The following ZNF816 variants were observed in gnomAD, a reference collection of about 807,000 sequenced individuals.
The protein encoded by ZNF816 is zinc finger protein 816, also known as zinc finger protein 816A.
A neutral mutation model predicts 8.3 loss-of-function variants in ZNF816; 11 were observed. The ratio of observed to expected loss-of-function variants is 1.32; its 90% confidence interval spans 0.83 to 2.19. The LOEUF is 2.19. Ranked by LOEUF, ZNF816 falls within the 30% of genes most tolerant of loss-of-function variation. The pLI is 0.00. For synonymous variants in ZNF816, 255 were observed against 254.5 expected (o/e 1.00, Z -0.02); for missense variants, 710 against 779.3 (o/e 0.91, Z 1.06).
intron 2 of ZNF816, among the ~76,000 whole-genome samples, chr19:52,955,346 A>G (rs2083500775): frequency 6.6e-6 from 1 of 152,228 alleles, no homozygotes; most frequent in Non-Finnish European, 1.5e-5. Context: ...TCCGCTTTCC[A>G]TTCTATTCTA....
Position 52,949,737 on chromosome 19 carries a change from T to C in ZNF816, c.*82A>G. On this transcript the variant is annotated 3_prime_UTR_variant, in exon 4 of 4. Coordinates refer to ENST00000444460, the MANE Select transcript of ZNF816 (RefSeq NM_001202457.3). ...CGTCTGAAAAATTTGCCACATTTAT[T>C]ACACTTGTAGATCTCTCTTCAATAT... 1 of 1,601,650 alleles carries C rather than the reference T, an allele frequency of 6.2e-7. No homozygotes were observed. The highest frequency in any genetic ancestry group is 1.3e-5 in the African/African-American group (1 of 74,704).
chr19:52,954,135 C>T (rs1443954336), intron 2 of ZNF816, among the ~76,000 whole-genome samples: 1 of 151,834 alleles, frequency 6.6e-6, no homozygotes, highest in Non-Finnish European at 1.5e-5. Context: ...CACCTGTAAT[C>T]CCAGCACTTT....
chr19:52,951,064 G>A lies in ZNF816; in HGVS notation c.711C>T (p.Ala237=). Residue 237 remains alanine (A), a synonymous_variant, in exon 4 of 4, where the codon GCC becomes GCT. Coordinates refer to ENST00000444460, the MANE Select transcript of ZNF816 (RefSeq NM_001202457.3). ...TCCTTAAGAGTGAGCTATAATTAAA[G>A]GCTTTGCCACACTCATTACTTTGGC... ...KPCQSNECGK[A]FNYSSLLRRH... is the part of the protein sequence containing the mutation. The A allele has an allele frequency of 6.2e-7, 1 of 1,613,940 alleles. No individual in the cohort carries two copies. The highest frequency in any genetic ancestry group is 8.5e-7 in the Non-Finnish European group (1 of 1,179,994).
Position 52,952,873 on chromosome 19 carries a change from C to T in ZNF816, c.68G>A (p.Arg23His), listed in dbSNP as rs201394440. Residue 23 changes from arginine (R) to histidine (H), a missense_variant, in exon 3 of 4, where the codon CGC becomes CAC. By Grantham distance (29) the Arg-to-His change is conservative (BLOSUM62 0). Coordinates refer to ENST00000444460, the MANE Select transcript of ZNF816 (RefSeq NM_001202457.3). The part of the protein sequence containing the change: ...KEPGMALPQG[R>H]LTFRDVAIEF... ...TATAGCCACATCCCTGAAAGTCAAG[C>T]GTCCCTAAAATAAAAAACACGTTTC... 8.8e-6 allele frequency: 14 copies of T among 1,594,640 alleles called. No homozygotes were observed. Among genetic ancestry groups the T allele is most frequent in the Middle Eastern group, 1.7e-4 (1 of 5,956 alleles).
chr19:52,952,165 T>A (rs1203514951), intron 3 of ZNF816, among the ~76,000 whole-genome samples: 1 of 152,040 alleles, frequency 6.6e-6, no homozygotes, highest in Non-Finnish European at 1.5e-5. Flanking sequence ...GGCCAGGAGT[T>A]CAAGACCAAC....
intron 3 of ZNF816, 150 bp downstream of exon 3, chr19:52,952,601 A>G (rs755511200): frequency 1.4e-6 from 2 of 1,450,512 alleles, no homozygotes; most frequent in Non-Finnish European, 1.8e-6. Flanking sequence ...GAAGCTGTCC[A>G]TGACAGATAG....
At chr19:52,956,734 G>C (rs575054896) in intron 1 of ZNF816, among the ~76,000 whole-genome samples, 46 of 152,292 alleles carry the variant, frequency 3.0e-4, no homozygotes, top group Non-Finnish European at 5.3e-4. Context: ...GTAGGAAGCA[G>C]ACCACCACTT....
intron 2 of ZNF816, among the ~76,000 whole-genome samples, chr19:52,954,824 A>AAC (rs2083495711): frequency 6.6e-6 from 1 of 151,850 alleles, no homozygotes; most frequent in South Asian, 2.1e-4. Flanking sequence ...AAAAAAAAAA[A>AAC]AAAAAAACCC....
Position 52,950,516 on chromosome 19 carries a change from G to A in ZNF816, c.1259C>T (p.Thr420Ile). ...CTTACATTTGTATGATCCCTCTCCAGTATGAATCTTCCTATGTCTTTCAAG... is the reference window on the plus strand; with the variant it reads ...CTTACATTTGTATGATCCCTCTCCAATATGAATCTTCCTATGTCTTTCAAG... ...SHLERHRKIHTGEGSYKCKVC... is the reference protein window; with the variant it reads ...SHLERHRKIHIGEGSYKCKVC... Residue 420 changes from threonine (T) to isoleucine (I), a missense_variant, in exon 4 of 4, where the codon ACT becomes ATT. By Grantham distance (89) the Thr-to-Ile change is moderately conservative. Transcript: ENST00000444460. 1 of 1,613,152 alleles carries A rather than the reference G, an allele frequency of 6.2e-7. No individual in the cohort carries two copies. The highest frequency in any genetic ancestry group is 1.7e-5 in the Admixed American group (1 of 59,956).
Position 52,957,628 on chromosome 19 carries a change from C to T in ZNF816, c.-15-1524G>A, listed in dbSNP as rs907796304. Among the ~76,000 whole-genome samples, 4 of 152,182 alleles carry T rather than the reference C, an allele frequency of 2.6e-5. No individual in the cohort carries two copies. The highest frequency in any genetic ancestry group is 5.9e-5 in the Non-Finnish European group (4 of 68,040). On this transcript the variant is annotated intron_variant, in intron 1 of 3. Coordinates refer to ENST00000444460, the MANE Select transcript of ZNF816 (RefSeq NM_001202457.3). The surrounding 1 kb of genome is among the most constrained non-coding windows in gnomAD (Gnocchi z 4.6). ...TTTTCGTATTGATACCAGTGCTGAA[C>T]ATTCAGTAGTAACCGCCCCGGTTGC...
rs565580165 is a variant in ZNF816 at position 52,950,787 on chromosome 19, A to G, written c.988T>C (p.Cys330Arg). 1.2e-4 allele frequency: 200 copies of G among 1,612,056 alleles called. 3 individuals carry two copies. The South Asian group carries it at 2.1e-3, about 17-fold the overall frequency. The change falls in exon 4 of 4, where the codon TGC becomes CGC. Residue 330 changes from cysteine to arginine, a missense_variant. Transcript: ENST00000444460. ...TCTCCAGTATGAAGTCTACGATGGCATCTAAGGGATGACTTCTCACTGAAG... is the reference window on the plus strand; with the variant it reads ...TCTCCAGTATGAAGTCTACGATGGCGTCTAAGGGATGACTTCTCACTGAAG... ...KTFSEKSSLR[C>R]HRRLHTGEKP...
chr19:52,953,522 TTTATAA>T (rs1355350535), intron 2 of ZNF816: 2 of 44,752 alleles, frequency 4.5e-5, no homozygotes, highest in African/African-American at 9.9e-4. Context: ...ATAATATATA[TTTATAA>T]TATATAATAT....
chr19:52,960,397 T>C (rs746000113), intron 1 of ZNF816, among the ~76,000 whole-genome samples: 1 of 152,206 alleles, frequency 6.6e-6, no homozygotes, highest in Admixed American at 6.5e-5. Context: ...ATCTTATTCC[T>C]AGATTTGGAC....
At position 52,951,271 on chromosome 19, in the gene ZNF816, G is replaced by A. The variant is rs2083457208; in HGVS notation, c.504C>T (p.His168=). Residue 168 remains histidine, a synonymous_variant, in exon 4 of 4, where the codon CAC becomes CAT. Transcript: ENST00000444460. ...LSFHSHLPEL[H]MFQTKGKISN... ...TAATTTTCCCTTTAGTCTGAAACAT[G>A]TGGAGTTCAGGCAGATGCGAATGAA... 6.2e-7 allele frequency: 1 copy of A among 1,614,068 alleles called. No individual in the cohort carries two copies. Among genetic ancestry groups the A allele is most frequent in the Non-Finnish European group, 8.5e-7 (1 of 1,180,036 alleles).
chr19:52,954,687 T>G lies in ZNF816; in HGVS notation c.63+1340A>C, dbSNP rs562499312. 4.6e-5 allele frequency among the ~76,000 whole-genome samples: 7 copies of G among 151,700 alleles called. No individual in the cohort carries two copies. In the South Asian group the frequency reaches 1.5e-3, roughly 32 times the overall value. ...TAATAACACAACAATTAGCCAGGAG[T>G]GTAGCACGCATCTGTAAATGCAGCT... On this transcript the variant is annotated intron_variant, in intron 2 of 3. Coordinates refer to ENST00000444460, the MANE Select transcript of ZNF816 (RefSeq NM_001202457.3).
At chr19:52,953,346 T>C in intron 2 of ZNF816, 1 of 320,812 alleles carries the variant, frequency 3.1e-6, no homozygotes, top group Non-Finnish European at 6.4e-6. Context: ...TGAGCCAAGA[T>C]CGTGCCATTG....
chr19:52,959,683 A>G (rs2083540261), intron 1 of ZNF816, among the ~76,000 whole-genome samples: 1 of 152,216 alleles, frequency 6.6e-6, no homozygotes. Context: ...ATAAAGCATT[A>G]TATAAAGAAA....
chr19:52,957,060 G>GTAAGCCC lies in ZNF816; in HGVS notation c.-15-963_-15-957dup, dbSNP rs2083516715. Among the ~76,000 whole-genome samples the GTAAGCCC allele has an allele frequency of 6.6e-6, 1 of 152,182 alleles. No homozygotes were observed. Among genetic ancestry groups the GTAAGCCC allele is most frequent in the African/African-American group, 2.4e-5 (1 of 41,452 alleles). On this transcript the variant is annotated intron_variant, in intron 1 of 3. Transcript: ENST00000444460. The surrounding 1 kb of genome is among the most constrained non-coding windows in gnomAD (Gnocchi z 4.6). The stretch of plus-strand genomic sequence containing the variant: ...CCTTTCACGTGGATGCCTTAGAGCT[G>GTAAGCCC]TAAGCCCTTAAAAGGGCCAGGAATT...
chr19:52,950,668 G>A lies in ZNF816; in HGVS notation c.1107C>T (p.Tyr369=). The A allele has an allele frequency of 6.2e-7, 1 of 1,614,202 alleles. No individual in the cohort carries two copies. The highest frequency in any genetic ancestry group is 1.1e-5 in the South Asian group (1 of 91,082). Reference sequence around the variant, plus strand: ...AGGTCTTGCCACACTCATTACACTTGTAAGGTTTCTCTCCAGTATGAATTG... The same window carrying A: ...AGGTCTTGCCACACTCATTACACTTATAAGGTTTCTCTCCAGTATGAATTG... The part of the protein sequence containing the change: ...HKAIHTGEKP[Y]KCNECGKTFS... Residue 369 remains tyrosine, a synonymous_variant, in exon 4 of 4, where the codon TAC becomes TAT. Coordinates refer to ENST00000444460, the MANE Select transcript of ZNF816 (RefSeq NM_001202457.3).
Sources: allele counts gnomAD v4.1 joint callset (sites outside exome capture counted in the v4.1 genomes callset), GRCh38; gene constraint gnomAD v4.1.1; non-coding constraint Gnocchi (gnomAD v3.1); transcripts MANE v1.5; gene names NCBI Gene and HGNC (gene_info 2026-07-23, HGNC 2026-07-21).